Variants in HECTD4 observed in about 807,000 individuals in gnomAD.
HECTD4 encodes probable E3 ubiquitin-protein ligase HECTD4.
HECTD4 carries 114 observed loss-of-function variants against 471.5 expected under a neutral mutation model. That is an observed-to-expected ratio of 0.24 (90% CI 0.21 to 0.28). The LOEUF (loss-of-function observed/expected upper bound fraction) is 0.28, where lower values mean the gene tolerates loss of function less well. HECTD4 is among the 10% of genes least tolerant of loss of function. HECTD4 has a pLI of 1.00. For missense variants in HECTD4, 3,866 were observed against 5,651.5 expected (o/e 0.68, Z 10.13); for synonymous variants, 2,012 against 2,256.0 (o/e 0.89, Z 3.07).
At chr12:112,183,995 T>C (rs2031767484) in intron 61 of HECTD4, among the ~76,000 whole-genome samples, 192 bp downstream of exon 61, 1 of 152,176 alleles carries the variant, frequency 6.6e-6, no homozygotes, top group African/African-American at 2.4e-5. Context: ...CTTTACTTCG[T>C]GATATGGGAC....
At chr12:112,204,103 T>C (rs1228813) in intron 53 of HECTD4, among the ~76,000 whole-genome samples, 2 of 152,214 alleles carry the variant, frequency 1.3e-5, no homozygotes, top group Admixed American at 6.5e-5. Flanking sequence ...AGTGCAGTGG[T>C]GTGATCTCGG....
At chr12:112,345,787 C>T (rs188023828) in intron 1 of HECTD4, among the ~76,000 whole-genome samples, 1,640 of 152,114 alleles carry the variant, frequency 0.011, 26 homozygotes, top group African/African-American at 0.037. Context: ...CCCAGCTACT[C>T]GGGAGGCTGA....
At position 112,254,268 on chromosome 12, in the gene HECTD4, G is replaced by T. The variant is rs368597295; in HGVS notation, c.3328-106C>A. 56 of 1,357,736 alleles carry T rather than the reference G, an allele frequency of 4.1e-5. 1 individual carries two copies. Among genetic ancestry groups the T allele is most frequent in the Admixed American group, 1.5e-4 (7 of 46,542 alleles). 84.1% of individuals were successfully genotyped at this position (1,357,736 alleles called of 1,614,324 possible). On this transcript the variant is annotated intron_variant, in intron 21 of 75. Transcript: ENST00000682272. ...TTGTTTAAAATACAATTATAACCAG[G>T]CATTGGTGTCATTATAGTATAACTA... is the stretch of plus-strand genomic sequence containing the variant.
At chr12:112,326,155 T>C (rs888879342) in intron 1 of HECTD4, among the ~76,000 whole-genome samples, 9 of 152,196 alleles carry the variant, frequency 5.9e-5, no homozygotes, top group Admixed American at 5.2e-4. Context: ...GGGTAAAATA[T>C]TCTTTGCTGG....
intron 34 of HECTD4, among the ~76,000 whole-genome samples, chr12:112,238,017 G>A (rs2033556189): frequency 1.3e-5 from 2 of 152,246 alleles, no homozygotes; most frequent in East Asian, 3.9e-4. Flanking sequence ...GCCTCCCAAA[G>A]TGCTGGGATT....
chr12:112,336,014 A>G (rs980330839), intron 1 of HECTD4, among the ~76,000 whole-genome samples: 1 of 147,868 alleles, frequency 6.8e-6, no homozygotes, highest in Non-Finnish European at 1.5e-5. Context: ...AAGTCTTGGG[A>G]AAAAAAAAAA....
intron 61 of HECTD4, among the ~76,000 whole-genome samples, chr12:112,183,634 G>A (rs1024012736): frequency 1.3e-4 from 20 of 152,324 alleles, no homozygotes; most frequent in African/African-American, 4.6e-4. Context: ...AACCCTCCTT[G>A]CAGAGCCTGC....
At chr12:112,369,184 C>T (rs2036621715) in intron 1 of HECTD4, among the ~76,000 whole-genome samples, 2 of 152,114 alleles carry the variant, frequency 1.3e-5, no homozygotes, top group African/African-American at 4.8e-5. Context: ...GAGAGGTGCT[C>T]TGAAGTGAAC....
intron 1 of HECTD4, among the ~76,000 whole-genome samples, chr12:112,378,222 T>C (rs2036819630): frequency 6.6e-6 from 1 of 152,002 alleles, no homozygotes; most frequent in South Asian, 2.1e-4. Context: ...ATTCTAAGAC[T>C]CTTTTTTTCT....
chr12:112,260,166 GT>G (rs1405556617), intron 18 of HECTD4, among the ~76,000 whole-genome samples: 1 of 151,934 alleles, frequency 6.6e-6, no homozygotes, highest in Non-Finnish European at 1.5e-5. Flanking sequence ...TCTACTTTCT[GT>G]CTCTATGATT....
chr12:112,231,645 G>A lies in HECTD4; in HGVS notation c.6068C>T (p.Ser2023Leu), dbSNP rs1174190591. The A allele has an allele frequency of 9.9e-6, 16 of 1,613,706 alleles. No homozygotes were observed. The highest frequency in any genetic ancestry group is 1.4e-5 in the Non-Finnish European group (16 of 1,179,882). The stretch of plus-strand genomic sequence containing the variant: ...TGGCCCAATGCTGACGATGAGGCCT[G>A]ACTGTGCCCACTTGGTGGCTTTCCG... ...ALRKATKWAQ[S>L]GLIVSIGPPV... Residue 2023 changes from serine to leucine, a missense_variant, in exon 39 of 76, where the codon TCA (serine) becomes TTA (leucine). Physicochemically the swap from Ser to Leu is moderately radical, Grantham distance 145. This residue lies in a region of HECTD4 where 617 missense variants were observed against 915.1 expected (regional missense o/e 0.67). Transcript: ENST00000682272.
chr12:112,239,939 G>A lies in HECTD4; in HGVS notation c.5047C>T (p.Arg1683Cys), dbSNP rs372463521. 11 of 1,613,880 alleles carry A rather than the reference G, an allele frequency of 6.8e-6. No homozygotes were observed. The highest frequency in any genetic ancestry group is 2.7e-5 in the African/African-American group (2 of 74,922). The change falls in exon 33 of 76, where the codon CGT becomes TGT. Residue 1683 changes from arginine to cysteine, a missense_variant. Physicochemically the swap from Arg to Cys is radical, Grantham distance 180. Transcript: ENST00000682272. The surrounding 1 kb of genome is among the most constrained non-coding windows in gnomAD (Gnocchi z 4.9). Reference sequence around the variant, plus strand: ...CTATTTGCGCAAGCGATAGGGTAACGAGCACACAGAGACACAACAGAGGTC... The same window carrying A: ...CTATTTGCGCAAGCGATAGGGTAACAAGCACACAGAGACACAACAGAGGTC... ...TMTSVVSLCA[R>C]YPIACANSIG...
intron 68 of HECTD4, 156 bp downstream of exon 68, chr12:112,170,961 T>G (rs2031192390): frequency 1.7e-6 from 1 of 580,194 alleles, no homozygotes; most frequent in Admixed American, 3.5e-5. Context: ...GTGGGCCTGT[T>G]GCTCCAGAGG....
At position 112,172,695 on chromosome 12, in the gene HECTD4, C is replaced by T. The variant is rs768983912; in HGVS notation, c.11761G>A (p.Asp3921Asn). 1.9e-6 allele frequency: 3 copies of T among 1,613,988 alleles called. No homozygotes were observed. In the Admixed American group the frequency reaches 5.0e-5, roughly 27 times the overall value. Residue 3921 changes from aspartate (D) to asparagine (N), a missense_variant, in exon 67 of 76, where the codon GAC (aspartate) becomes AAC (asparagine). This residue lies in a region of HECTD4 where 715 missense variants were observed against 1,087.6 expected (regional missense o/e 0.66). Transcript: ENST00000682272. ...CTCAGGAGACAGGCCACTCTGGGGT[C>T]AGCAGCATCCGCGGGGTCCAGGTAC... ...EVYLDPADAA[D>N]PRVACLLNVP...
intron 11 of HECTD4, 23 bp from the exon 12 acceptor site, chr12:112,270,482 A>C: frequency 6.3e-7 from 1 of 1,588,236 alleles, no homozygotes; most frequent in East Asian, 2.2e-5. Flanking sequence ...AAGGAAACTG[A>C]GTGAGGAAAG....
In HECTD4 at chr12:112,243,508, G is replaced by T; in HGVS notation, c.4803C>A (p.Ser1601Arg). 1 of 1,604,968 alleles carries T rather than the reference G, an allele frequency of 6.2e-7. No homozygotes were observed. Residue 1601 changes from serine (S) to arginine (R), a missense_variant, in exon 32 of 76, where the codon AGC (serine) becomes AGA (arginine). Ser to Arg is a moderately radical substitution (Grantham distance 110). Coordinates refer to ENST00000682272, the MANE Select transcript of HECTD4 (RefSeq NM_001388303.1). The surrounding 1 kb of genome is among the most constrained non-coding windows in gnomAD (Gnocchi z 6.6). The part of the protein sequence containing the change: ...GTNPDQAVSS[S>R]SFLLAAQTRW... ...TTGTCTGTGCAGCCAAAAGGAAACT[G>T]CTGCTGGACACCTGAAACACACAAG... is the stretch of plus-strand genomic sequence containing the variant.
At chr12:112,346,969 C>T (rs2135732560) in intron 1 of HECTD4, among the ~76,000 whole-genome samples, 1 of 152,146 alleles carries the variant, frequency 6.6e-6, no homozygotes, top group Non-Finnish European at 1.5e-5. Flanking sequence ...GAATTCATGT[C>T]CCTCCTAAAG....
chr12:112,266,703 G>A (rs889096513), intron 14 of HECTD4, among the ~76,000 whole-genome samples: 2 of 152,126 alleles, frequency 1.3e-5, no homozygotes, highest in African/African-American at 4.8e-5. Flanking sequence ...GGCTGGTCTC[G>A]AGCTCCTGGG....
In HECTD4 at chr12:112,264,113, A is replaced by G; in HGVS notation, c.2719T>C (p.Ser907Pro). The part of the protein sequence containing the change: ...KPDENDDSDS[S>P]LQGETLKVQE... ...ACCTTCAATGTCTCTCCCTGCAAGG[A>G]GCTGTCACTGTCATCATTCTCATCA... Residue 907 changes from serine to proline, a missense_variant, in exon 17 of 76, where the codon TCC becomes CCC. This residue lies in a region of HECTD4 where 525 missense variants were observed against 672.6 expected (regional missense o/e 0.78). Coordinates refer to ENST00000682272, the MANE Select transcript of HECTD4 (RefSeq NM_001388303.1). 1 of 1,610,250 alleles carries G rather than the reference A, an allele frequency of 6.2e-7. No homozygotes were observed. Among genetic ancestry groups the G allele is most frequent in the South Asian group, 1.1e-5 (1 of 89,868 alleles).
Sources: gnomAD v4.1 joint callset for allele counts (sites outside exome capture counted in the v4.1 genomes callset) on GRCh38, gnomAD v4.1.1 for gene constraint, gnomAD v4.1.1 regional missense constraint, Gnocchi (gnomAD v3.1) non-coding constraint, MANE v1.5 for transcripts, NCBI Gene and HGNC (gene_info 2026-07-23, HGNC 2026-07-21) for gene names.